Variants in FGD1 observed in about 807,000 individuals in gnomAD.
The protein encoded by FGD1 is FYVE, RhoGEF and PH domain containing 1, also known as FYVE, RhoGEF and PH domain-containing protein 1.
A neutral mutation model predicts 65.0 loss-of-function variants in FGD1; 12 were observed. That is an observed-to-expected ratio of 0.18 (90% CI 0.12 to 0.30). FGD1 has a LOEUF of 0.30. Ranked by LOEUF, FGD1 falls within the 10% of genes least tolerant of loss-of-function variation. The pLI is 1.00. For synonymous variants in FGD1, 333 were observed against 343.9 expected (o/e 0.97, Z 0.35); for missense variants, 542 against 837.6 (o/e 0.65, Z 4.36).
intron 8 of FGD1, 90 bp downstream of exon 8, chrX:54,465,361 G>T: frequency 9.9e-7 from 1 of 1,011,982 alleles, no homozygotes; most frequent in Non-Finnish European, 1.3e-6. Flanking sequence ...GGCCGACCCT[G>T]TGAATTAAGT....
At chrX:54,478,136 G>A (rs191607577) in intron 1 of FGD1, among the ~76,000 whole-genome samples, 1 of 111,478 alleles carries the variant, frequency 9.0e-6, no homozygotes, top group Non-Finnish European at 1.9e-5. Context: ...ATGACTTATT[G>A]TATATCTGAA....
chrX:54,486,467 C>T (rs1217967218), intron 1 of FGD1, among the ~76,000 whole-genome samples: 3 of 111,372 alleles, frequency 2.7e-5, no homozygotes, highest in South Asian at 3.8e-4. Flanking sequence ...AGGATGGTCT[C>T]GATCTCTTGA....
chrX:54,491,863 C>A (rs748892318), intron 1 of FGD1, among the ~76,000 whole-genome samples: 1 of 110,444 alleles, frequency 9.1e-6, no homozygotes, highest in Non-Finnish European at 1.9e-5. Flanking sequence ...TCTGAAGATG[C>A]CTCAGGATCC....
chrX:54,456,440 C>T, intron 9 of FGD1, 69 bp downstream of exon 9: 1 of 1,207,063 alleles, frequency 8.3e-7, no homozygotes, highest in Non-Finnish European at 1.1e-6. Flanking sequence ...GTCACGACAC[C>T]CCCACTCCAG....
Position 54,455,509 on chromosome X carries a change from G to T in FGD1, c.1954C>A (p.Leu652Ile). The T allele has an allele frequency of 8.3e-7, 1 of 1,210,577 alleles. No homozygotes were observed. Among genetic ancestry groups the T allele is most frequent in the Non-Finnish European group, 1.1e-6 (1 of 894,129 alleles). Reference sequence around the variant, plus strand: ...ACCAGGAAGGTTCGAGGCAGATTGAGGTTGGAGCTCTCCTTTAGCTGAATG... The same window carrying T: ...ACCAGGAAGGTTCGAGGCAGATTGATGTTGGAGCTCTCCTTTAGCTGAATG... ...DGMELKESSNLNLPRTFLVSG... is the reference protein window; with the variant it reads ...DGMELKESSNINLPRTFLVSG... The change falls in exon 12 of 18, where the codon CTC becomes ATC. Residue 652 changes from leucine (L) to isoleucine (I), a missense_variant. Physicochemically the swap from Leu to Ile is conservative, Grantham distance 5. Around this residue, in one of 6 missense-constraint regions of FGD1, gnomAD observed 182 missense variants for 311.4 expected, o/e 0.58. Transcript: ENST00000375135.
At chrX:54,471,844 G>A (rs1006923677) in intron 1 of FGD1, among the ~76,000 whole-genome samples, 1 of 112,218 alleles carries the variant, frequency 8.9e-6, no homozygotes, top group African/African-American at 3.2e-5. Flanking sequence ...AGCCACATAG[G>A]TATGCTGAGT....
intron 1 of FGD1, among the ~76,000 whole-genome samples, chrX:54,481,278 G>A (rs1923136197): frequency 9.2e-6 from 1 of 108,635 alleles, no homozygotes. Flanking sequence ...TGTGTGACCC[G>A]ATTTACCTTC....
chrX:54,469,397 C>T (rs1922831160), intron 4 of FGD1, among the ~76,000 whole-genome samples: 1 of 112,364 alleles, frequency 8.9e-6, no homozygotes, highest in African/African-American at 3.2e-5. Context: ...TAAAACACAT[C>T]AGACTACAGA....
chrX:54,451,758 G>A (rs1922383211), intron 12 of FGD1, among the ~76,000 whole-genome samples: 1 of 107,263 alleles, frequency 9.3e-6, no homozygotes, highest in East Asian at 3.0e-4. Context: ...GCGTGGTGGC[G>A]GGAGCCTATA....
chrX:54,452,944 A>C (rs1312699292), intron 12 of FGD1, among the ~76,000 whole-genome samples: 1 of 111,291 alleles, frequency 9.0e-6, no homozygotes, highest in African/African-American at 3.3e-5. Flanking sequence ...AGTTGTGGGC[A>C]TCTGGGTGCT....
intron 1 of FGD1, among the ~76,000 whole-genome samples, chrX:54,490,658 C>T (rs1601962258): frequency 9.0e-6 from 1 of 111,235 alleles, no homozygotes; most frequent in Non-Finnish European, 1.9e-5. Flanking sequence ...TACCCCCAGG[C>T]GTTTCGAATT....
intron 1 of FGD1, among the ~76,000 whole-genome samples, chrX:54,472,407 G>A (rs1346784674): frequency 9.0e-6 from 1 of 111,506 alleles, no homozygotes; most frequent in Non-Finnish European, 1.9e-5. Flanking sequence ...ACACACACGT[G>A]CAACATCCAG....
intron 14 of FGD1, 39 bp from the exon 15 acceptor site, chrX:54,449,307 T>TC (rs1333952101): frequency 2.5e-6 from 3 of 1,205,686 alleles, no homozygotes; most frequent in Non-Finnish European, 3.4e-6. Flanking sequence ...AGACAGCTAC[T>TC]CCCCAGCCCA....
At chrX:54,474,543 G>A (rs1219156071) in intron 1 of FGD1, among the ~76,000 whole-genome samples, 1 of 112,709 alleles carries the variant, frequency 8.9e-6, no homozygotes, top group Non-Finnish European at 1.9e-5. Flanking sequence ...TTTGGGTGTC[G>A]TTCCTCACTT....
intron 4 of FGD1, 43 bp from the exon 5 acceptor site, chrX:54,468,919 C>T (rs374656308): frequency 9.2e-5 from 91 of 988,138 alleles, no homozygotes; most frequent in South Asian, 6.2e-4. Flanking sequence ...CATCCTCTAT[C>T]GTAACCCTCA....
In FGD1 at chrX:54,495,511, G is replaced by T; in HGVS notation, c.-79C>A. 1 of 701,542 alleles carries T rather than the reference G, an allele frequency of 1.4e-6. No individual in the cohort carries two copies. The highest frequency in any genetic ancestry group is 1.8e-6 in the Non-Finnish European group (1 of 547,342). 57.8% of individuals were successfully genotyped at this position (701,542 alleles called of 1,213,427 possible). A position where few individuals can be genotyped will look rare whatever the true frequency, so the allele number is the denominator to read the frequency against. On this transcript the variant is annotated 5_prime_UTR_variant, in exon 1 of 18. Transcript: ENST00000375135. The stretch of plus-strand genomic sequence containing the variant: ...GCGGAGGCGCGGGCGGAGGAGGCCC[G>T]GCGCCCGGCGGAGCAGCGGCCTCAG...
intron 12 of FGD1, among the ~76,000 whole-genome samples, chrX:54,454,134 C>T (rs1204676184): frequency 9.0e-6 from 1 of 111,077 alleles, no homozygotes; most frequent in African/African-American, 3.3e-5. Context: ...GGGATGTGTT[C>T]TGAGAAAGGT....
chrX:54,463,664 T>A (rs1159910812), intron 8 of FGD1, among the ~76,000 whole-genome samples: 1 of 111,728 alleles, frequency 9.0e-6, no homozygotes, highest in Admixed American at 9.6e-5. Flanking sequence ...TTATTTGTCA[T>A]GTTCAGGTCA....
chrX:54,473,691 G>A (rs1410487711), intron 1 of FGD1, among the ~76,000 whole-genome samples: 1 of 112,676 alleles, frequency 8.9e-6, no homozygotes, highest in Non-Finnish European at 1.9e-5. Flanking sequence ...ATGATTTAAA[G>A]TATACAGGAA....
Sources: allele counts gnomAD v4.1 joint callset (sites outside exome capture counted in the v4.1 genomes callset), GRCh38; gene constraint gnomAD v4.1.1; regional missense constraint gnomAD v4.1.1; transcripts MANE v1.5; gene names NCBI Gene and HGNC (gene_info 2026-07-23, HGNC 2026-07-21).